Variants in TSPAN12 observed in about 807,000 individuals in gnomAD.
TSPAN12 encodes the protein tetraspanin-12.
In TSPAN12, 19 loss-of-function variants were observed where a neutral mutation model predicts 39.2. That is an observed-to-expected ratio of 0.49 (90% confidence interval 0.34 to 0.71). The LOEUF (loss-of-function observed/expected upper bound fraction) is 0.71. TSPAN12 is among the 30% of genes least tolerant of loss of function. The probability of loss-of-function intolerance (pLI) is 0.01; values close to 1 mark genes in which losing one functional copy is unlikely to be tolerated. For synonymous variants in TSPAN12, 119 were observed against 124.8 expected (o/e 0.95, Z 0.31); for missense variants, 314 against 359.9 (o/e 0.87, Z 1.03).
At chr7:120,835,234 G>A (rs1794455030) in intron 4 of TSPAN12, among the ~76,000 whole-genome samples, 1 of 152,160 alleles carries the variant, frequency 6.6e-6, no homozygotes, top group South Asian at 2.1e-4. Context: ...AGAGACATCA[G>A]TAAAGGCCCA....
chr7:120,832,834 G>C (rs542148564), intron 4 of TSPAN12, among the ~76,000 whole-genome samples: 2 of 152,170 alleles, frequency 1.3e-5, no homozygotes, highest in Admixed American at 1.3e-4. Context: ...AACTACAGTA[G>C]AAATTTTAAA....
rs1794521907 is a variant in TSPAN12, at chr7:120,838,627, T to C, written c.285+150A>G. 4 of 768,612 alleles carry C rather than the reference T, an allele frequency of 5.2e-6. No individual in the cohort carries two copies. The African/African-American group carries it at 5.3e-5, about 10-fold the overall frequency. The allele number at this position is 768,612 out of a possible 1,614,324, so 47.6% of individuals were successfully genotyped here. ...TCATCCGGTACAGCAAATATGTGTATTCAAATAATCTCTTGTGAAACGAAA... is the reference window on the plus strand; with the variant it reads ...TCATCCGGTACAGCAAATATGTGTACTCAAATAATCTCTTGTGAAACGAAA... On this transcript the variant is annotated intron_variant, in intron 4 of 7. Coordinates refer to ENST00000222747, the MANE Select transcript of TSPAN12 (RefSeq NM_012338.4).
At chr7:120,849,132 T>C (rs577236857) in intron 2 of TSPAN12, among the ~76,000 whole-genome samples, 3 of 152,358 alleles carry the variant, frequency 2.0e-5, no homozygotes, top group African/African-American at 7.2e-5. Flanking sequence ...TGCAACATGT[T>C]ACCTGAAGCT....
chr7:120,787,582 A>C lies in TSPAN12; in HGVS notation c.*1010T>G, dbSNP rs1793432478. 1 of 152,462 alleles carries C rather than the reference A, an allele frequency of 6.6e-6. No individual in the cohort carries two copies. The highest frequency in any genetic ancestry group is 2.1e-4 in the South Asian group (1 of 4,832). 9.4% of individuals were successfully genotyped at this position (152,462 alleles called of 1,614,324 possible). A position where few individuals can be genotyped will look rare whatever the true frequency, so the allele number is the denominator to read the frequency against. ...AGAAAAAGAACACTATTTTCTGTAG[A>C]ATTTATATTGACTTGGAGACTATTG... On this transcript the variant is annotated 3_prime_UTR_variant, in exon 8 of 8. Coordinates refer to ENST00000222747, the MANE Select transcript of TSPAN12 (RefSeq NM_012338.4).
chr7:120,793,421 A>C (rs1029507881), intron 7 of TSPAN12, among the ~76,000 whole-genome samples: 3 of 152,208 alleles, frequency 2.0e-5, no homozygotes, highest in African/African-American at 7.2e-5. Context: ...TGGTCCCTTA[A>C]GATTATCTTC....
chr7:120,790,475 G>A (rs1793500901), intron 7 of TSPAN12, among the ~76,000 whole-genome samples: 1 of 152,156 alleles, frequency 6.6e-6, no homozygotes, highest in Non-Finnish European at 1.5e-5. Flanking sequence ...TGTCTGATGT[G>A]TCAGTTCACA....
At chr7:120,796,955 A>G (rs1793643679) in intron 7 of TSPAN12, among the ~76,000 whole-genome samples, 1 of 152,176 alleles carries the variant, frequency 6.6e-6, no homozygotes, top group African/African-American at 2.4e-5. Context: ...GGAGACAGAG[A>G]CCATCCTGGC....
chr7:120,819,517 C>G (rs1378319681), intron 4 of TSPAN12, among the ~76,000 whole-genome samples: 1 of 152,038 alleles, frequency 6.6e-6, no homozygotes, highest in African/African-American at 2.4e-5. Context: ...TCCACTAACA[C>G]TCAGGAACAC....
chr7:120,823,409 A>G (rs1294980477), intron 4 of TSPAN12, among the ~76,000 whole-genome samples: 2 of 152,118 alleles, frequency 1.3e-5, no homozygotes, highest in Admixed American at 1.3e-4. Flanking sequence ...TACACAAAAC[A>G]ACAAAACAAA....
rs537158127 is a variant in TSPAN12, at chr7:120,788,766, C to T, written c.744G>A (p.Leu248=). 2.5e-6 allele frequency: 4 copies of T among 1,614,096 alleles called. No individual in the cohort carries two copies. In the African/African-American group the frequency reaches 4.0e-5, roughly 16 times the overall value. The change falls in exon 8 of 8, where the codon CTG becomes CTA. Residue 248 remains leucine (L), a synonymous_variant. Coordinates refer to ENST00000222747, the MANE Select transcript of TSPAN12 (RefSeq NM_012338.4). The part of the protein sequence containing the change: ...MILTITLLWA[L]YYDRREPGTD... ...TCCCCGGCTCCCTTCTATCATAATA[C>T]AGAGCCCAGAGCAGAGTAATGGTGA...
intron 7 of TSPAN12, among the ~76,000 whole-genome samples, chr7:120,794,293 C>CG (rs2116298135): frequency 6.6e-6 from 1 of 152,184 alleles, no homozygotes; most frequent in African/African-American, 2.4e-5. Flanking sequence ...AGCAGACAGG[C>CG]GTTGATATAA....
chr7:120,788,808 T>G lies in TSPAN12; in HGVS notation c.702A>C (p.Gln234His), dbSNP rs761590784. The G allele has an allele frequency of 6.2e-7, 1 of 1,614,106 alleles. No individual in the cohort carries two copies. Among genetic ancestry groups the G allele is most frequent in the African/African-American group, 1.3e-5 (1 of 75,020 alleles). ...TAATGGTGAGAATCATGGCCAGGAT[T>G]TGTGTCACCCCAATGGAGATTCCCA... ...RFLGISIGVTQILAMILTITL... is the reference protein window; with the variant it reads ...RFLGISIGVTHILAMILTITL... The change falls in exon 8 of 8, where the codon CAA (glutamine) becomes CAC (histidine). Residue 234 changes from glutamine (Q) to histidine (H), a missense_variant. Gln to His is a conservative substitution (Grantham distance 24, BLOSUM62 0). Transcript: ENST00000222747.
rs1028909200 is a variant in TSPAN12 at position 120,788,106 on chromosome 7, A to C, written c.*486T>G. The C allele has an allele frequency of 1.2e-5, 2 of 169,128 alleles. No homozygotes were observed. Among genetic ancestry groups the C allele is most frequent in the Non-Finnish European group, 2.6e-5 (2 of 78,372 alleles). 10.5% of individuals were successfully genotyped at this position (169,128 alleles called of 1,614,324 possible). On this transcript the variant is annotated 3_prime_UTR_variant, in exon 8 of 8. Coordinates refer to ENST00000222747, the MANE Select transcript of TSPAN12 (RefSeq NM_012338.4). Reference sequence around the variant, plus strand: ...CACATTTAGGTAGTCACCAATATTGAAAGTTTTCTGATATATAATTTATTT... The same window carrying C: ...CACATTTAGGTAGTCACCAATATTGCAAGTTTTCTGATATATAATTTATTT...
rs7805733 is a variant in TSPAN12, at chr7:120,810,604, G to A, written c.361-34C>T. 0.78 allele frequency: 864,142 copies of A among 1,111,096 alleles called. 339,266 individuals are homozygous for A. Among genetic ancestry groups the A allele is most frequent in the East Asian group, 0.97 (41,228 of 42,568 alleles). The allele number at this position is 1,111,096 out of a possible 1,614,324, so 68.8% of individuals were successfully genotyped here. A position where few individuals can be genotyped will look rare whatever the true frequency, so the allele number is the denominator to read the frequency against. ...AAAAAGCAAAATATCAACAGCTGTA[G>A]CTCACACACAGACACAGATTCACAC... On this transcript the variant is annotated intron_variant, in intron 5 of 7. Coordinates refer to ENST00000222747, the MANE Select transcript of TSPAN12 (RefSeq NM_012338.4).
chr7:120,794,483 T>C (rs1465396260), intron 7 of TSPAN12, among the ~76,000 whole-genome samples: 1 of 152,092 alleles, frequency 6.6e-6, no homozygotes, highest in African/African-American at 2.4e-5. Context: ...CCACCCCCCA[T>C]CTCTCTCTCC....
chr7:120,799,717 ATATT>A (rs1324164219), intron 7 of TSPAN12, among the ~76,000 whole-genome samples: 3 of 122,478 alleles, frequency 2.4e-5, no homozygotes, highest in Non-Finnish European at 1.6e-5. Flanking sequence ...ATTATATTAA[ATATT>A]TATTATATTT....
chr7:120,824,495 C>G (rs6953454), intron 4 of TSPAN12, among the ~76,000 whole-genome samples: 1 of 151,848 alleles, frequency 6.6e-6, no homozygotes, highest in Non-Finnish European at 1.5e-5. Flanking sequence ...GTGAGTTGAA[C>G]TATTTTCCAT....
chr7:120,800,774 A>C (rs1221029005), intron 7 of TSPAN12, among the ~76,000 whole-genome samples: 1 of 137,584 alleles, frequency 7.3e-6, no homozygotes, highest in Non-Finnish European at 1.5e-5. Context: ...TTTGAGACAG[A>C]GTCTCACTCT....
intron 5 of TSPAN12, among the ~76,000 whole-genome samples, chr7:120,810,963 G>A (rs1477762957): frequency 2.6e-5 from 4 of 152,220 alleles, no homozygotes; most frequent in Non-Finnish European, 5.9e-5. Context: ...TGAAGTTGTT[G>A]CTCTTTGAAG....
Sources: gnomAD v4.1 joint callset for allele counts (sites outside exome capture counted in the v4.1 genomes callset) on GRCh38, gnomAD v4.1.1 for gene constraint, MANE v1.5 for transcripts, NCBI Gene and HGNC (gene_info 2026-07-23, HGNC 2026-07-21) for gene names.